PLCZ1: variants seen among roughly 807,000 people sequenced by gnomAD.
The protein encoded by PLCZ1 is 1-phosphatidylinositol 4,5-bisphosphate phosphodiesterase zeta-1.
In PLCZ1, 64 loss-of-function variants were observed where a neutral mutation model predicts 76.8. That is an observed-to-expected ratio of 0.83 (90% CI 0.68 to 1.03). PLCZ1 has a LOEUF of 1.03. Among genes scored for constraint, PLCZ1 ranks in the 50% least tolerant of loss-of-function variants. The pLI, the probability that PLCZ1 is intolerant of heterozygous loss-of-function variation, is 0.00. For missense variants in PLCZ1, 751 were observed against 713.7 expected, an observed-to-expected ratio of 1.05 and a Z score of -0.60; for synonymous variants, 248 against 230.8, an observed-to-expected ratio of 1.07 and a Z score of -0.68.
At chr12:18,698,966 T>C (rs759593325) in intron 10 of PLCZ1, among the ~76,000 whole-genome samples, 4 of 152,156 alleles carry the variant, frequency 2.6e-5, no homozygotes, top group Non-Finnish European at 5.9e-5. Context: ...ATTAGCAGAG[T>C]CACCTGGCTC....
chr12:18,718,508 T>C (rs577797013), intron 5 of PLCZ1, among the ~76,000 whole-genome samples: 2 of 152,284 alleles, frequency 1.3e-5, no homozygotes, highest in African/African-American at 2.4e-5. Context: ...TCATTCACCA[T>C]TGACTTGTCT....
intron 3 of PLCZ1, chr12:18,735,840 A>C (rs75823549): frequency 0.031 from 4,708 of 152,632 alleles, 229 homozygotes; most frequent in African/African-American, 0.11. Context: ...TTTCTTTTCT[A>C]TTTTAGTTAT....
At chr12:18,727,910 G>A (rs1451580708) in intron 3 of PLCZ1, among the ~76,000 whole-genome samples, 1 of 152,130 alleles carries the variant, frequency 6.6e-6, no homozygotes, top group Non-Finnish European at 1.5e-5. Flanking sequence ...GTAGTAAGTA[G>A]TTCAAGAGCA....
intron 6 of PLCZ1, 27 bp from the exon 7 acceptor site, chr12:18,705,342 A>T (rs752964580): frequency 1.9e-6 from 3 of 1,613,086 alleles, no homozygotes; most frequent in Non-Finnish European, 2.5e-6. Flanking sequence ...TACTATGGTT[A>T]TTCATCAAAA....
intron 6 of PLCZ1, among the ~76,000 whole-genome samples, chr12:18,710,107 C>T (rs1957109685): frequency 6.6e-6 from 1 of 150,706 alleles, no homozygotes; most frequent in Non-Finnish European, 1.5e-5. Flanking sequence ...TGCAAATAAA[C>T]ATAATGTTGC....
chr12:18,737,236 A>G (rs1959448793), intron 2 of PLCZ1, 125 bp downstream of exon 2: 1 of 1,025,040 alleles, frequency 9.8e-7, no homozygotes, highest in African/African-American at 1.6e-5. Context: ...CAAACAGGGA[A>G]AAGCAGTTCA....
chr12:18,691,400 A>G (rs769692870), intron 12 of PLCZ1, among the ~76,000 whole-genome samples: 1 of 152,158 alleles, frequency 6.6e-6, no homozygotes, highest in South Asian at 2.1e-4. Flanking sequence ...ATCATGTCCA[A>G]TTAAAGACTT....
intron 3 of PLCZ1, among the ~76,000 whole-genome samples, chr12:18,733,283 C>T (rs183821198): frequency 6.6e-6 from 1 of 152,306 alleles, no homozygotes; most frequent in Admixed American, 6.5e-5. Flanking sequence ...TCCCTTTGCA[C>T]ATTTTCTAAT....
At chr12:18,663,839 A>G in the PLCZ1 span, among the ~76,000 whole-genome samples, 1 of 152,330 alleles carries the variant, frequency 6.6e-6, no homozygotes, top group Non-Finnish European at 1.5e-5. Flanking sequence ...ATATTAGCAA[A>G]TCATACATCT....
In PLCZ1 at chr12:18,737,639, T is replaced by C. The variant is rs534989576; in HGVS notation, c.-138-130A>G. On this transcript the variant is annotated intron_variant, in intron 1 of 14. Transcript: ENST00000266505. Reference sequence around the variant, plus strand: ...TACCCTGCCCTTGAAACTGTTTGGCTTCTTACGTTCTGACCACCTCCAAAC... The same window carrying C: ...TACCCTGCCCTTGAAACTGTTTGGCCTCTTACGTTCTGACCACCTCCAAAC... 71 of 572,398 alleles carry C rather than the reference T, an allele frequency of 1.2e-4. No homozygotes were observed. In the South Asian group the frequency reaches 1.4e-3, roughly 11 times the overall value. The allele number at this position is 572,398 out of a possible 1,614,324, so 35.5% of individuals were successfully genotyped here. A position where few individuals can be genotyped will look rare whatever the true frequency, so the allele number is the denominator to read the frequency against.
At chr12:18,730,125 A>G (rs1958961162) in intron 3 of PLCZ1, among the ~76,000 whole-genome samples, 1 of 152,140 alleles carries the variant, frequency 6.6e-6, no homozygotes, top group South Asian at 2.1e-4. Context: ...CTTGCCAAGT[A>G]GTAAACAGCT....
intron 12 of PLCZ1, among the ~76,000 whole-genome samples, chr12:18,689,924 G>A (rs566020504): frequency 6.6e-6 from 1 of 152,168 alleles, no homozygotes; most frequent in Non-Finnish European, 1.5e-5. Context: ...AGTGATAGAG[G>A]CAACAGAGAA....
At chr12:18,689,514 T>C (rs1010306638) in intron 12 of PLCZ1, among the ~76,000 whole-genome samples, 1 of 152,142 alleles carries the variant, frequency 6.6e-6, no homozygotes, top group African/African-American at 2.4e-5. Flanking sequence ...TAATTCCTCT[T>C]CTTCCAACGT....
chr12:18,647,605 A>G, the PLCZ1 span, among the ~76,000 whole-genome samples: 1 of 152,166 alleles, frequency 6.6e-6, no homozygotes, highest in Non-Finnish European at 1.5e-5. Flanking sequence ...AGAGTAATTT[A>G]CCATCTTGCT....
At position 18,683,291 on chromosome 12, in the gene PLCZ1, C is replaced by G. The variant is rs749597291; in HGVS notation, c.1775G>C (p.Gly592Ala). 1 of 1,612,548 alleles carries G rather than the reference C, an allele frequency of 6.2e-7. No individual in the cohort carries two copies. Among genetic ancestry groups the G allele is most frequent in the South Asian group, 1.1e-5 (1 of 91,058 alleles). The change falls in exon 15 of 15, where the codon GGT becomes GCT. Residue 592 changes from glycine to alanine, a missense_variant. Physicochemically the swap from Gly to Ala is moderately conservative, Grantham distance 60 (BLOSUM62 0). Transcript: ENST00000266505. ...YRRIPLFSRM[G>A]ESLEPASLFV... is the part of the protein sequence containing the mutation. ...CAGTGAAGCAGGCTCAAGGCTCTCACCCATTCTGGAAAACAGAGGAATACG... is the reference window on the plus strand; with the variant it reads ...CAGTGAAGCAGGCTCAAGGCTCTCAGCCATTCTGGAAAACAGAGGAATACG...
the PLCZ1 span, among the ~76,000 whole-genome samples, chr12:18,670,272 T>C: frequency 6.6e-6 from 1 of 151,820 alleles, no homozygotes; most frequent in Non-Finnish European, 1.5e-5. Flanking sequence ...TCTCCACAAT[T>C]ACAGAAATTA....
chr12:18,660,790 T>A, the PLCZ1 span, among the ~76,000 whole-genome samples: 1 of 152,070 alleles, frequency 6.6e-6, no homozygotes, highest in Non-Finnish European at 1.5e-5. Flanking sequence ...GGAAAGTATG[T>A]CTCATTCAAA....
At chr12:18,661,997 C>T in the PLCZ1 span, among the ~76,000 whole-genome samples, 1 of 152,002 alleles carries the variant, frequency 6.6e-6, no homozygotes. Flanking sequence ...GGCCATTATC[C>T]CATTATCCTA....
the PLCZ1 span, among the ~76,000 whole-genome samples, chr12:18,660,120 G>A: frequency 7.2e-5 from 11 of 152,200 alleles, no homozygotes; most frequent in Admixed American, 2.0e-4. Flanking sequence ...GGAGTCTACT[G>A]AAGGCTTGCT....
Sources: gnomAD v4.1 joint callset for allele counts (sites outside exome capture counted in the v4.1 genomes callset) on GRCh38, gnomAD v4.1.1 for gene constraint, MANE v1.5 for transcripts, NCBI Gene and HGNC (gene_info 2026-07-23, HGNC 2026-07-21) for gene names.